FER1L5: variants seen among roughly 807,000 people sequenced by gnomAD.
FER1L5 encodes fer-1 like family member 5, also known as fer-1-like protein 5.
Under a neutral mutation model 279.9 loss-of-function variants are expected in FER1L5, and 187 were observed. That is an observed-to-expected ratio of 0.67 (90% CI 0.59 to 0.75). FER1L5 has a LOEUF of 0.75. FER1L5 is among the 30% of genes least tolerant of loss of function. The pLI, the probability that FER1L5 is intolerant of heterozygous loss-of-function variation, is 0.00. For synonymous variants in FER1L5, 921 were observed against 989.7 expected (o/e 0.93, Z 1.30); for missense variants, 2,091 against 2,594.4 (o/e 0.81, Z 4.21).
At chr2:96,645,125 T>C (rs1279901012) in intron 1 of FER1L5, among the ~76,000 whole-genome samples, 1 of 152,206 alleles carries the variant, frequency 6.6e-6, no homozygotes, top group Non-Finnish European at 1.5e-5. Flanking sequence ...TTACCCATTA[T>C]GGATGTTTCA....
intron 13 of FER1L5, 122 bp from the exon 14 acceptor site, chr2:96,663,317 T>G: frequency 3.4e-6 from 3 of 874,748 alleles, no homozygotes; most frequent in Non-Finnish European, 5.6e-6. Context: ...AGAGCAGGGA[T>G]TAGCCCAAGC....
Position 96,668,103 on chromosome 2 carries a change from C to T in FER1L5, c.1141-648C>T, listed in dbSNP as rs375746208. ...CAAGTGATCTGCCCGCTTCAGCCCC[C>T]CAAAGTGCTGGGATTACAGGTGTGA... On this transcript the variant is annotated intron_variant, in intron 14 of 52. Transcript: ENST00000624922. Among the ~76,000 whole-genome samples the T allele has an allele frequency of 8.5e-5, 13 of 152,138 alleles. 1 individual carries two copies. Among genetic ancestry groups the T allele is most frequent in the Admixed American group, 3.3e-4 (5 of 15,276 alleles).
At chr2:96,644,087 G>A (rs1455538792) in intron 1 of FER1L5, among the ~76,000 whole-genome samples, 5 of 150,752 alleles carry the variant, frequency 3.3e-5, no homozygotes, top group Non-Finnish European at 5.9e-5. Context: ...CAGGAGAATC[G>A]CTTGAACCTG....
intron 45 of FER1L5, among the ~76,000 whole-genome samples, chr2:96,701,514 T>C (rs1161283590): frequency 2.0e-5 from 3 of 152,140 alleles, no homozygotes; most frequent in African/African-American, 4.8e-5. Flanking sequence ...TTAATACCCT[T>C]AGGTTGTAGT....
In FER1L5 at chr2:96,700,095, A is replaced by G. The variant is rs1216207407; in HGVS notation, c.4930+15A>G. On this transcript the variant is annotated intron_variant, in intron 44 of 52. Transcript: ENST00000624922. ...GCAAAGCTTTGGTGAGCAGCGCAGA[A>G]CACTAGCAGAAAGCACAGACACAGG... is the stretch of plus-strand genomic sequence containing the variant. 1.2e-6 allele frequency: 2 copies of G among 1,613,480 alleles called. No homozygotes were observed. The highest frequency in any genetic ancestry group is 3.3e-5 in the Admixed American group (2 of 59,962).
intron 44 of FER1L5, 111 bp downstream of exon 44, chr2:96,700,191 G>A: frequency 6.5e-7 from 1 of 1,547,070 alleles, no homozygotes; most frequent in Non-Finnish European, 8.7e-7. Context: ...GACAAGGAAA[G>A]AGCTCCCTGG....
intron 17 of FER1L5, 37 bp from the exon 18 acceptor site, chr2:96,670,082 T>G: frequency 6.4e-7 from 1 of 1,550,648 alleles, no homozygotes. Context: ...TCTTTTTCTC[T>G]CACCCCTTTT....
chr2:96,701,808 C>A, intron 45 of FER1L5, 147 bp from the exon 46 acceptor site: 1 of 679,340 alleles, frequency 1.5e-6, no homozygotes, highest in Non-Finnish European at 2.5e-6. Context: ...TGGTCACCTG[C>A]GGCCTCACAG....
rs2077670320 is a variant in FER1L5 at position 96,703,614 on chromosome 2, C to T, written c.5783C>T (p.Pro1928Leu). 1 of 1,613,882 alleles carries T rather than the reference C, an allele frequency of 6.2e-7. No individual in the cohort carries two copies. The highest frequency in any genetic ancestry group is 8.5e-7 in the Non-Finnish European group (1 of 1,179,868). ...GGCCAGTCGGAACCCAACCAGTACC[C>T]CACACTTCATCCTCCCCTGTAAGGG... ...GRGQSEPNQYPTLHPPLRTNT... is the reference protein window; with the variant it reads ...GRGQSEPNQYLTLHPPLRTNT... The change falls in exon 51 of 53, where the codon CCC becomes CTC. Residue 1928 changes from proline (P) to leucine (L), a missense_variant. Transcript: ENST00000624922.
Position 96,691,294 on chromosome 2 carries a change from C to G in FER1L5, c.2848C>G (p.Arg950Gly). The part of the protein sequence containing the change: ...SCRRRRWARV[R>G]FRNHGELSHE... ...CCGCCGCCGGCGCTGGGCGCGTGTG[C>G]GCTTCAGGAACCATGGGGAGCTGAG... Residue 950 changes from arginine to glycine, a missense_variant, in exon 28 of 53, where the codon CGC becomes GGC. Physicochemically the swap from Arg to Gly is moderately radical, Grantham distance 125. Transcript: ENST00000624922. This position sits in a 1 kb window ranked among gnomAD's most constrained non-coding sequence, Gnocchi z 6.0. The G allele has an allele frequency of 6.4e-7, 1 of 1,550,572 alleles. No individual in the cohort carries two copies. The highest frequency in any genetic ancestry group is 8.7e-7 in the Non-Finnish European group (1 of 1,146,872).
At chr2:96,671,704 T>A (rs2076335276) in intron 18 of FER1L5, among the ~76,000 whole-genome samples, 1 of 152,182 alleles carries the variant, frequency 6.6e-6, no homozygotes, top group African/African-American at 2.4e-5. Context: ...GCTATGAGGA[T>A]GCCACAGTCT....
At chr2:96,646,016 T>G (rs1482390175) in intron 1 of FER1L5, among the ~76,000 whole-genome samples, 2 of 56,272 alleles carry the variant, frequency 3.6e-5, no homozygotes, top group Non-Finnish European at 7.7e-5. Context: ...TTTTTTTTTT[T>G]GTGACAGAGT....
Position 96,687,914 on chromosome 2 carries a change from C to T in FER1L5, c.2328C>T (p.Leu776=). ...NVTDSKDLQL[L]RQGDTAVYAE... ...CAGACAGCAAGGACCTGCAGCTGCT[C>T]CGCCAGGGTGACACAGCGGTGTACG... The change falls in exon 24 of 53, where the codon CTC becomes CTT. Residue 776 remains leucine, a synonymous_variant. Transcript: ENST00000624922. 6.4e-7 allele frequency: 1 copy of T among 1,551,094 alleles called. No individual in the cohort carries two copies. Among genetic ancestry groups the T allele is most frequent in the Non-Finnish European group, 8.7e-7 (1 of 1,146,980 alleles).
chr2:96,652,109 G>T, intron 7 of FER1L5, 89 bp downstream of exon 7: 3 of 1,511,558 alleles, frequency 2.0e-6, no homozygotes, highest in Non-Finnish European at 2.7e-6. Flanking sequence ...CTTGACTAGG[G>T]TGTCTTCATG....
chr2:96,699,160 C>T (rs759800481), intron 42 of FER1L5, 24 bp downstream of exon 42: 4 of 1,586,880 alleles, frequency 2.5e-6, no homozygotes, highest in Admixed American at 3.6e-5. Context: ...ACCCCCAAGA[C>T]CCCTTCTCCA....
rs1373035795 is a variant in FER1L5 at position 96,689,090 on chromosome 2, T to C, written c.2362-123T>C. 3.3e-6 allele frequency: 4 copies of C among 1,223,072 alleles called. No individual in the cohort carries two copies. The highest frequency in any genetic ancestry group is 4.5e-6 in the Non-Finnish European group (4 of 893,432). The allele number at this position is 1,223,072 out of a possible 1,614,324, so 75.8% of individuals were successfully genotyped here. On this transcript the variant is annotated intron_variant, in intron 24 of 52. Transcript: ENST00000624922. This position sits in a 1 kb window ranked among gnomAD's most constrained non-coding sequence, Gnocchi z 4.6. ...TGTGCAATGGGGACATGGCCCTTTC[T>C]TGCCTGGCTACCACATTTTTAGGAT...
In FER1L5 at chr2:96,700,360, G is replaced by T; in HGVS notation, c.4959G>T (p.Leu1653Phe). The T allele has an allele frequency of 6.2e-7, 1 of 1,613,626 alleles. No individual in the cohort carries two copies. Among genetic ancestry groups the T allele is most frequent in the Non-Finnish European group, 8.5e-7 (1 of 1,179,884 alleles). ...CCAAAACCCCTACTGTTCATGGTTT[G>T]GGACCCAAGAAGGAACGCCTTGCAC... The part of the protein sequence containing the change: ...FEPKTPTVHG[L>F]GPKKERLALY... The change falls in exon 45 of 53, where the codon TTG (leucine) becomes TTT (phenylalanine). Residue 1653 changes from leucine (L) to phenylalanine (F), a missense_variant. Transcript: ENST00000624922.
intron 9 of FER1L5, among the ~76,000 whole-genome samples, chr2:96,657,489 T>C (rs2075644962): frequency 6.6e-6 from 1 of 152,140 alleles, no homozygotes; most frequent in Admixed American, 6.5e-5. Context: ...GAAGAAAACA[T>C]CATCACAATT....
chr2:96,659,369 CTTTCT>C lies in FER1L5; in HGVS notation c.748-969_748-965del, dbSNP rs2075790973. On this transcript the variant is annotated intron_variant, in intron 9 of 52. Transcript: ENST00000624922. ...TCCTTCCTTCCTTCCTTCCTTCTTTCTTTCTTTCTTTCTTTCTTTCTTTCTTTCTT... is the reference window on the plus strand; with the variant it reads ...TCCTTCCTTCCTTCCTTCCTTCTTTCTTCTTTCTTTCTTTCTTTCTTTCTT... 6.3e-3 allele frequency among the ~76,000 whole-genome samples: 91 copies of C among 14,486 alleles called. 1 individual carries two copies. Among genetic ancestry groups the C allele is most frequent in the Non-Finnish European group, 7.5e-3 (70 of 9,376 alleles). The allele number at this position is 14,486 out of a possible 152,430, so 9.5% of individuals were successfully genotyped here.
Sources: allele counts gnomAD v4.1 joint callset (sites outside exome capture counted in the v4.1 genomes callset), GRCh38; gene constraint gnomAD v4.1.1; non-coding constraint Gnocchi (gnomAD v3.1); transcripts MANE v1.5; gene names NCBI Gene and HGNC (gene_info 2026-07-23, HGNC 2026-07-21).